TSPAN18: variants seen among roughly 807,000 people sequenced by gnomAD.
The protein encoded by TSPAN18 is tetraspanin-18.
Under a neutral mutation model 27.3 loss-of-function variants are expected in TSPAN18, and 14 were observed. That is an observed-to-expected ratio of 0.51 (90% CI 0.34 to 0.80). TSPAN18 has a LOEUF of 0.80. Among genes scored for constraint, TSPAN18 ranks in the 30% least tolerant of loss-of-function variants. The probability of loss-of-function intolerance (pLI) is 0.01; values close to 1 mark genes in which losing one functional copy is unlikely to be tolerated. For missense variants in TSPAN18, 268 were observed against 323.9 expected (o/e 0.83, Z 1.32); for synonymous variants, 143 against 136.5 (o/e 1.05, Z -0.33).
At chr11:44,729,447 G>T (rs947830422) in intron 1 of TSPAN18, among the ~76,000 whole-genome samples, 10 of 152,086 alleles carry the variant, frequency 6.6e-5, no homozygotes, top group Non-Finnish European at 1.0e-4. Context: ...TGGAGAGGGA[G>T]TTGAAGGTCC....
chr11:44,895,668 C>T (rs1859017386), intron 3 of TSPAN18, among the ~76,000 whole-genome samples: 1 of 151,454 alleles, frequency 6.6e-6, no homozygotes, highest in South Asian at 2.1e-4. Flanking sequence ...GGCTGGAGCT[C>T]CCTGGTGGGG....
At chr11:44,808,981 A>G (rs983107420) in intron 2 of TSPAN18, among the ~76,000 whole-genome samples, 7 of 152,180 alleles carry the variant, frequency 4.6e-5, no homozygotes, top group African/African-American at 1.7e-4. Flanking sequence ...CGTAGGAGCT[A>G]ACACTGATTC....
chr11:44,883,241 C>T (rs538403905), intron 3 of TSPAN18, among the ~76,000 whole-genome samples: 26 of 152,300 alleles, frequency 1.7e-4, no homozygotes, highest in Non-Finnish European at 2.6e-4. Flanking sequence ...TTTTAAATGA[C>T]GAGGCTGGCT....
intron 3 of TSPAN18, among the ~76,000 whole-genome samples, chr11:44,864,286 C>CAAAAA (rs34906166): frequency 3.3e-5 from 3 of 92,084 alleles, no homozygotes; most frequent in Non-Finnish European, 4.0e-5. Flanking sequence ...GACTCCGTCT[C>CAAAAA]AAAAAAAAAA....
chr11:44,849,191 T>C (rs572695725), intron 2 of TSPAN18, among the ~76,000 whole-genome samples: 3 of 152,230 alleles, frequency 2.0e-5, no homozygotes, highest in Non-Finnish European at 4.4e-5. Context: ...TTGATTCCTG[T>C]CTCAGGTTTG....
At chr11:44,768,897 T>C (rs1209959618) in intron 2 of TSPAN18, among the ~76,000 whole-genome samples, 2 of 114,534 alleles carry the variant, frequency 1.7e-5, no homozygotes, top group African/African-American at 7.2e-5. Flanking sequence ...ATTTGATTTT[T>C]TTTTTTTTTT....
chr11:44,852,093 T>G (rs1265153149), intron 2 of TSPAN18, among the ~76,000 whole-genome samples: 1 of 152,194 alleles, frequency 6.6e-6, no homozygotes, highest in Non-Finnish European at 1.5e-5. Context: ...CTTACTGCCT[T>G]CTACTGTAAT....
intron 2 of TSPAN18, among the ~76,000 whole-genome samples, chr11:44,821,114 G>T (rs12365756): frequency 0.18 from 28,039 of 152,180 alleles, 2,847 homozygotes; most frequent in South Asian, 0.38. Context: ...AACTTTTAGG[G>T]TGCAGAAAGA....
intron 8 of TSPAN18, 70 bp downstream of exon 8, chr11:44,920,069 GC>G: frequency 6.8e-7 from 1 of 1,463,344 alleles, no homozygotes; most frequent in South Asian, 1.3e-5. Flanking sequence ...TGGGTGGGAG[GC>G]GCTATCACCC....
At chr11:44,765,184 G>T (rs1268733814) in intron 2 of TSPAN18, among the ~76,000 whole-genome samples, 2 of 152,062 alleles carry the variant, frequency 1.3e-5, no homozygotes, top group East Asian at 3.9e-4. Context: ...TTCCCTCATT[G>T]GTCCTCATTT....
chr11:44,868,881 C>T (rs1858112761), intron 3 of TSPAN18, among the ~76,000 whole-genome samples: 1 of 152,196 alleles, frequency 6.6e-6, no homozygotes, highest in Non-Finnish European at 1.5e-5. Context: ...CCAATGCATC[C>T]ACTGCTGGTG....
In TSPAN18 at chr11:44,825,771, C is replaced by T. The variant is rs144079671; in HGVS notation, c.-152-34557C>T. ...TGTTTTCTTAGACAAGGCCATTTCACGGATCCTCAGACGTCCCCAGTTCAC... is the reference window on the plus strand; with the variant it reads ...TGTTTTCTTAGACAAGGCCATTTCATGGATCCTCAGACGTCCCCAGTTCAC... On this transcript the variant is annotated intron_variant, in intron 2 of 9. Coordinates refer to ENST00000520358, the MANE Select transcript of TSPAN18 (RefSeq NM_130783.5). 4.2e-3 allele frequency among the ~76,000 whole-genome samples: 637 copies of T among 152,274 alleles called. 4 individuals are homozygous for T. Among genetic ancestry groups the T allele is most frequent in the Non-Finnish European group, 7.5e-3 (512 of 68,008 alleles).
At chr11:44,828,838 C>T (rs1857098074) in intron 2 of TSPAN18, among the ~76,000 whole-genome samples, 1 of 152,176 alleles carries the variant, frequency 6.6e-6, no homozygotes, top group Admixed American at 6.5e-5. Context: ...AGCCCATCCC[C>T]AGGGCCTTTC....
chr11:44,789,799 A>G (rs1235210518), intron 2 of TSPAN18, among the ~76,000 whole-genome samples: 5 of 152,224 alleles, frequency 3.3e-5, no homozygotes, highest in African/African-American at 1.2e-4. Context: ...AAAGGAAAAA[A>G]CAATAATAAT....
intron 2 of TSPAN18, among the ~76,000 whole-genome samples, chr11:44,828,815 C>G (rs896950183): frequency 2.0e-5 from 3 of 152,128 alleles, no homozygotes; most frequent in African/African-American, 7.2e-5. Context: ...TCACTCCAGC[C>G]CTCTCAATAT....
intron 2 of TSPAN18, among the ~76,000 whole-genome samples, chr11:44,832,378 A>G (rs835777): frequency 0.86 from 131,478 of 152,156 alleles, 56,903 homozygotes; most frequent in East Asian, 0.94. Flanking sequence ...CTTGATGGAG[A>G]GTAAACCTCA....
chr11:44,830,372 A>G (rs1857130086), intron 2 of TSPAN18, among the ~76,000 whole-genome samples: 1 of 152,232 alleles, frequency 6.6e-6, no homozygotes, highest in African/African-American at 2.4e-5. Flanking sequence ...GGGAGAAGCC[A>G]TGCCAGTTTG....
chr11:44,736,933 A>C (rs1854809945), intron 1 of TSPAN18, among the ~76,000 whole-genome samples: 3 of 152,222 alleles, frequency 2.0e-5, no homozygotes, highest in African/African-American at 7.2e-5. Context: ...GGATTACTTT[A>C]AATATTTTAT....
chr11:44,847,297 A>G (rs1225672997), intron 2 of TSPAN18, among the ~76,000 whole-genome samples: 2 of 152,142 alleles, frequency 1.3e-5, no homozygotes. Flanking sequence ...TCAGAAAGCC[A>G]CAAGTGTGAA....
Sources: allele counts gnomAD v4.1 joint callset (sites outside exome capture counted in the v4.1 genomes callset), GRCh38; gene constraint gnomAD v4.1.1; transcripts MANE v1.5; gene names NCBI Gene and HGNC (gene_info 2026-07-23, HGNC 2026-07-21).